Variants in C12orf50 observed in about 807,000 individuals in gnomAD.
The protein encoded by C12orf50 is zinc finger CCCH-type containing 11D, also known as uncharacterized protein C12orf50.
C12orf50 carries 35 observed loss-of-function variants against 61.6 expected under a neutral mutation model. That is an observed-to-expected ratio of 0.57 (90% confidence interval 0.43 to 0.75). C12orf50 has a LOEUF of 0.75. Among genes scored for constraint, C12orf50 ranks in the 30% least tolerant of loss-of-function variants. The pLI, the probability that C12orf50 is intolerant of heterozygous loss-of-function variation, is 0.00. For synonymous variants in C12orf50, 178 were observed against 161.5 expected, an observed-to-expected ratio of 1.10 and a Z score of -0.77; for missense variants, 475 against 488.5, an observed-to-expected ratio of 0.97 and a Z score of 0.26.
chr12:88,014,304 A>T (rs12309763), intron 3 of C12orf50, among the ~76,000 whole-genome samples: 1 of 125,206 alleles, frequency 8.0e-6, no homozygotes, highest in Admixed American at 7.4e-5. Flanking sequence ...TTTATTTATT[A>T]TTTATTTATT....
chr12:88,029,052 T>C, intron 1 of C12orf50: 1 of 1,252,990 alleles, frequency 8.0e-7, no homozygotes, highest in South Asian at 1.3e-5. Flanking sequence ...GTACTGTCAA[T>C]TGTACAATAT....
chr12:88,022,147 T>C (rs999687805), intron 3 of C12orf50, among the ~76,000 whole-genome samples: 22 of 151,538 alleles, frequency 1.5e-4, no homozygotes, highest in African/African-American at 5.3e-4. Context: ...TAATCCATCA[T>C]GATCAAGTAT....
At chr12:88,014,703 T>A (rs565051193) in intron 3 of C12orf50, among the ~76,000 whole-genome samples, 1 of 152,344 alleles carries the variant, frequency 6.6e-6, no homozygotes, top group East Asian at 1.9e-4. Context: ...GACCTCATTG[T>A]CTTCATCTGT....
At chr12:88,007,244 T>C (rs2031919968) in intron 3 of C12orf50, among the ~76,000 whole-genome samples, 1 of 152,206 alleles carries the variant, frequency 6.6e-6, no homozygotes, top group Non-Finnish European at 1.5e-5. Flanking sequence ...ATCTCTTTTA[T>C]AATATTGTGA....
chr12:87,988,957 C>T (rs2030983320), intron 8 of C12orf50, among the ~76,000 whole-genome samples: 1 of 152,058 alleles, frequency 6.6e-6, no homozygotes, highest in South Asian at 2.1e-4. Flanking sequence ...CGTTTTCTAA[C>T]AAAATTCATT....
At chr12:88,015,705 T>C (rs2032289159) in intron 3 of C12orf50, among the ~76,000 whole-genome samples, 1 of 152,226 alleles carries the variant, frequency 6.6e-6, no homozygotes, top group African/African-American at 2.4e-5. Context: ...GGAATTTTTA[T>C]GGTAAATATT....
intron 7 of C12orf50, among the ~76,000 whole-genome samples, chr12:87,990,129 T>C (rs976823594): frequency 3.9e-5 from 6 of 152,264 alleles, no homozygotes; most frequent in African/African-American, 1.2e-4. Flanking sequence ...ACTGGGTTTT[T>C]CCCAAATTAA....
rs1019449383 is a variant in C12orf50 at position 88,013,093 on chromosome 12, G to GA, written c.133+13394dup. ...AAATACACATGTATATGACAAGGAA[G>GA]AAAAAAAAATCCTGGGATTTTTTTT... is the stretch of plus-strand genomic sequence containing the variant. On this transcript the variant is annotated intron_variant, in intron 3 of 12. Transcript: ENST00000298699. Among the ~76,000 whole-genome samples, 12 of 148,646 alleles carry GA rather than the reference G, an allele frequency of 8.1e-5. No individual in the cohort carries two copies. The South Asian group carries it at 1.5e-3, about 19-fold the overall frequency.
intron 9 of C12orf50, among the ~76,000 whole-genome samples, chr12:87,987,169 T>C (rs1487200401): frequency 6.6e-6 from 1 of 152,124 alleles, no homozygotes; most frequent in Non-Finnish European, 1.5e-5. Flanking sequence ...GTAAACTAAT[T>C]AATCTTTCTG....
chr12:88,022,063 A>G (rs368623878), intron 3 of C12orf50, among the ~76,000 whole-genome samples: 73 of 152,110 alleles, frequency 4.8e-4, no homozygotes, highest in African/African-American at 1.7e-3. Context: ...TCAGGCCAAT[A>G]TTCTCAGTGA....
chr12:87,985,727 G>C, intron 11 of C12orf50, 123 bp downstream of exon 11: 1 of 894,766 alleles, frequency 1.1e-6, no homozygotes, highest in Non-Finnish European at 1.8e-6. Flanking sequence ...AGTTTCTATG[G>C]TGGTGATGGC....
chr12:88,000,329 T>A (rs1235393509), intron 3 of C12orf50, among the ~76,000 whole-genome samples: 1 of 152,098 alleles, frequency 6.6e-6, no homozygotes, highest in Non-Finnish European at 1.5e-5. Context: ...TGAAAATCAA[T>A]TGAGCATAAA....
At chr12:88,024,820 A>G (rs2032643258) in intron 3 of C12orf50, among the ~76,000 whole-genome samples, 1 of 152,218 alleles carries the variant, frequency 6.6e-6, no homozygotes, top group African/African-American at 2.4e-5. Context: ...GTGTCCTGCA[A>G]GCTAGATAGG....
intron 12 of C12orf50, among the ~76,000 whole-genome samples, chr12:87,981,527 C>T (rs918839538): frequency 1.6e-4 from 24 of 152,246 alleles, no homozygotes; most frequent in Middle Eastern, 6.8e-3. Flanking sequence ...AGTCCTCAGA[C>T]CATAGTTTAG....
At chr12:87,985,798 A>G in intron 11 of C12orf50, 52 bp downstream of exon 11, 1 of 1,582,696 alleles carries the variant, frequency 6.3e-7, no homozygotes, top group Non-Finnish European at 8.7e-7. Context: ...AAGAAATTCC[A>G]TGGGAATGCA....
In C12orf50 at chr12:87,980,227, C is replaced by T. The variant is rs2030388270; in HGVS notation, c.*104G>A. 2.7e-6 allele frequency: 3 copies of T among 1,123,384 alleles called. No homozygotes were observed. The highest frequency in any genetic ancestry group is 2.6e-5 in the South Asian group (2 of 76,722). The allele number at this position is 1,123,384 out of a possible 1,614,324, so 69.6% of individuals were successfully genotyped here. Reference sequence around the variant, plus strand: ...TCATCTTTGGCTATCCACTACATAACATGGAGTACTTGAGTATCTCATTCT... The same window carrying T: ...TCATCTTTGGCTATCCACTACATAATATGGAGTACTTGAGTATCTCATTCT... On this transcript the variant is annotated 3_prime_UTR_variant, in exon 13 of 13. Transcript: ENST00000298699.
chr12:88,005,269 TTTG>T (rs1285007908), intron 3 of C12orf50, among the ~76,000 whole-genome samples: 1 of 152,228 alleles, frequency 6.6e-6, no homozygotes. Flanking sequence ...TTTGAGTGAC[TTTG>T]TTGGAATATT....
intron 3 of C12orf50, among the ~76,000 whole-genome samples, chr12:87,999,555 T>C (rs1200106537): frequency 6.6e-6 from 1 of 152,194 alleles, no homozygotes; most frequent in East Asian, 1.9e-4. Flanking sequence ...AGAATCTTTG[T>C]ACACTGCAGT....
rs542821690 is a variant in C12orf50, at chr12:87,996,363, T to G, written c.481+11A>C. The G allele has an allele frequency of 9.0e-6, 14 of 1,564,184 alleles. No individual in the cohort carries two copies. The South Asian group carries it at 1.6e-4, about 17-fold the overall frequency. ...ATAGATCACTATGAATGCTGCCTTT[T>G]CATTTCTTACCTTCTTGCAATTCAC... On this transcript the variant is annotated intron_variant, in intron 6 of 12. Coordinates refer to ENST00000298699, the MANE Select transcript of C12orf50 (RefSeq NM_152589.3).
Sources: gnomAD v4.1 joint callset for allele counts (sites outside exome capture counted in the v4.1 genomes callset) on GRCh38, gnomAD v4.1.1 for gene constraint, MANE v1.5 for transcripts, NCBI Gene and HGNC (gene_info 2026-07-23, HGNC 2026-07-21) for gene names.